ICA1: variants seen among roughly 807,000 people sequenced by gnomAD.
ICA1 encodes islet cell autoantigen 1.
ICA1 carries 40 observed loss-of-function variants against 71.0 expected under a neutral mutation model. The ratio of observed to expected loss-of-function variants is 0.56; its 90% confidence interval spans 0.44 to 0.73. The LOEUF is 0.73. Among genes scored for constraint, ICA1 ranks in the 30% least tolerant of loss-of-function variants. The pLI, the probability that ICA1 is intolerant of heterozygous loss-of-function variation, is 0.00. For missense variants in ICA1, 578 were observed against 576.5 expected, an observed-to-expected ratio of 1.00 and a Z score of -0.03; for synonymous variants, 207 against 209.5, an observed-to-expected ratio of 0.99 and a Z score of 0.10.
intron 12 of ICA1, among the ~76,000 whole-genome samples, chr7:8,133,368 C>G (rs1443135760): frequency 1.3e-5 from 2 of 152,170 alleles, no homozygotes; most frequent in East Asian, 1.9e-4. Flanking sequence ...AACCATAGCA[C>G]TCCAGGCTTG....
At chr7:8,198,597 C>T (rs756953855) in intron 6 of ICA1, among the ~76,000 whole-genome samples, 33 of 152,056 alleles carry the variant, frequency 2.2e-4, no homozygotes, top group Non-Finnish European at 8.8e-5. Context: ...GTGGTCCAGG[C>T]GAGCGTCATA....
At chr7:8,153,945 A>G (rs1800592166) in intron 8 of ICA1, among the ~76,000 whole-genome samples, 5 of 151,260 alleles carry the variant, frequency 3.3e-5, no homozygotes. Context: ...AACCACTTAG[A>G]AGATAGTTTC....
intron 1 of ICA1, among the ~76,000 whole-genome samples, chr7:8,259,385 C>T (rs1325675580): frequency 6.6e-6 from 1 of 152,186 alleles, no homozygotes; most frequent in East Asian, 1.9e-4. Flanking sequence ...TTTCTGGTTG[C>T]ACCCCCCAAC....
intron 2 of ICA1, among the ~76,000 whole-genome samples, chr7:8,235,357 GATATGTTATAGGCACATAA>G (rs1801525281): frequency 6.6e-6 from 1 of 152,162 alleles, no homozygotes; most frequent in South Asian, 2.1e-4. Flanking sequence ...ATGCTGCTCA[GATATGTTATAGGCACATAA>G]ATGTCAGCGC....
chr7:8,218,491 T>G lies in ICA1; in HGVS notation c.393A>C (p.Arg131=). The G allele has an allele frequency of 6.2e-7, 1 of 1,614,050 alleles. No individual in the cohort carries two copies. Residue 131 remains arginine, a synonymous_variant, in exon 6 of 14, where the codon CGA becomes CGC. Transcript: ENST00000402384. ...CTTGGTGAAATCGACACAAAGGATTTCGTAAGGCCAACCTAGACAAGAGGA... is the reference window on the plus strand; with the variant it reads ...CTTGGTGAAATCGACACAAAGGATTGCGTAAGGCCAACCTAGACAAGAGGA... ...CFSSQQRLAL[R]NPLCRFHQEV... is the part of the protein sequence containing the mutation.
At chr7:8,185,443 T>C (rs142652115) in intron 6 of ICA1, among the ~76,000 whole-genome samples, 1 of 152,330 alleles carries the variant, frequency 6.6e-6, no homozygotes, top group East Asian at 1.9e-4. Flanking sequence ...TATGCTTACT[T>C]ACGCTCAGTG....
chr7:8,251,648 G>A (rs908144344), intron 1 of ICA1, among the ~76,000 whole-genome samples: 13 of 151,974 alleles, frequency 8.6e-5, no homozygotes, highest in African/African-American at 3.1e-4. Flanking sequence ...TGCTGGGAAT[G>A]AAACATTCAT....
chr7:8,196,525 A>G (rs1401076075), intron 6 of ICA1, among the ~76,000 whole-genome samples: 1 of 152,136 alleles, frequency 6.6e-6, no homozygotes, highest in Non-Finnish European at 1.5e-5. Context: ...TAATGTGTCA[A>G]CCTTGGCTCA....
intron 2 of ICA1, 44 bp from the exon 3 acceptor site, chr7:8,232,799 G>T (rs1315755484): frequency 5.5e-6 from 8 of 1,444,970 alleles, no homozygotes; most frequent in Non-Finnish European, 6.5e-6. Context: ...CTTTCATAAA[G>T]ATTAAGATAT....
At chr7:8,184,628 T>G (rs759794426) in intron 6 of ICA1, among the ~76,000 whole-genome samples, 4 of 152,204 alleles carry the variant, frequency 2.6e-5, no homozygotes, top group Non-Finnish European at 4.4e-5. Flanking sequence ...GAGAGAATAA[T>G]TCATACTTGA....
At chr7:8,241,987 G>A (rs1804092015) in intron 1 of ICA1, among the ~76,000 whole-genome samples, 1 of 152,136 alleles carries the variant, frequency 6.6e-6, no homozygotes, top group Non-Finnish European at 1.5e-5. Flanking sequence ...ACACCCCACT[G>A]TCAACATTAC....
At position 8,158,620 on chromosome 7, in the gene ICA1, GT is replaced by G. The variant is rs747841314; in HGVS notation, c.611del (p.Asn204ThrfsTer5). On this transcript the variant is annotated frameshift_variant, in exon 7 of 14. Transcript: ENST00000402384. LOFTEE classifies it high-confidence loss of function. Reference protein sequence around the residue: ...VQTQVRLAKKNFDKLKMDVCQ... With the variant: ...VQTQVRLAKKXFDKLKMDVCQ... The stretch of plus-strand genomic sequence containing the variant: ...AAACATCCATCTTCAATTTGTCAAA[GT>G]TTTTTTTTGCAAGGCGCACTTGTGT... The G allele has an allele frequency of 4.4e-6, 7 of 1,604,970 alleles. No homozygotes were observed. Among genetic ancestry groups the G allele is most frequent in the Admixed American group, 3.4e-5 (2 of 59,536 alleles).
chr7:8,237,008 A>T lies in ICA1; in HGVS notation c.-79-1003T>A, dbSNP rs1405096997. The T allele has an allele frequency of 2.6e-5, 4 of 152,230 alleles. No individual in the cohort carries two copies. The East Asian group carries it at 7.7e-4, about 29-fold the overall frequency. The allele number at this position is 152,230 out of a possible 1,614,324, so 9.4% of individuals were successfully genotyped here. On this transcript the variant is annotated intron_variant, in intron 1 of 13. Transcript: ENST00000402384. Reference sequence around the variant, plus strand: ...CTCCTAAAGTGATTAAAGCTTTCCTAGGCTATTTAAAAACATTTCAAGGGG... The same window carrying T: ...CTCCTAAAGTGATTAAAGCTTTCCTTGGCTATTTAAAAACATTTCAAGGGG...
rs529904080 is a variant in ICA1 at position 8,222,394 on chromosome 7, T to C, written c.257-996A>G. ...TTTACTATCAACATACTTTGAACAC[T>C]ACTTTTATTTCCTATTTCTGTATTG... On this transcript the variant is annotated intron_variant, in intron 4 of 13. Transcript: ENST00000402384. The surrounding 1 kb of genome is among the most constrained non-coding windows in gnomAD (Gnocchi z 4.8). Among the ~76,000 whole-genome samples the C allele has an allele frequency of 3.3e-5, 5 of 152,320 alleles. No homozygotes were observed. Among genetic ancestry groups the C allele is most frequent in the African/African-American group, 1.2e-4 (5 of 41,574 alleles).
chr7:8,116,340 A>G (rs1230700877), intron 13 of ICA1: 1 of 152,206 alleles, frequency 6.6e-6, no homozygotes, highest in African/African-American at 2.4e-5. Context: ...ATTCAAAACC[A>G]GAGCATATCA....
chr7:8,172,004 C>A (rs79289859), intron 6 of ICA1, among the ~76,000 whole-genome samples: 6 of 151,862 alleles, frequency 4.0e-5, no homozygotes, highest in Non-Finnish European at 7.4e-5. Flanking sequence ...TTTATTCAGA[C>A]CTGTTTTATA....
intron 4 of ICA1, among the ~76,000 whole-genome samples, chr7:8,225,624 G>A (rs994468473): frequency 6.6e-6 from 1 of 152,194 alleles, no homozygotes; most frequent in Non-Finnish European, 1.5e-5. Flanking sequence ...TCAGCTCACA[G>A]AAGCAGGAAA....
In ICA1 at chr7:8,259,699, C is replaced by T. The variant is rs545833123; in HGVS notation, c.-80+2395G>A. Among the ~76,000 whole-genome samples, 6 of 152,232 alleles carry T rather than the reference C, an allele frequency of 3.9e-5. No individual in the cohort carries two copies. In the South Asian group the frequency reaches 1.0e-3, roughly 26 times the overall value. On this transcript the variant is annotated intron_variant, in intron 1 of 13. Coordinates refer to ENST00000402384, the MANE Select transcript of ICA1 (RefSeq NM_001136020.3). ...CTTAAGTAACTTGGTCAAGGTCACA[C>T]GGCTAGTTAGGTGTTACCGCAGGGA...
rs144337286 is a variant in ICA1, at chr7:8,224,458, G to A, written c.257-3060C>T. Among the ~76,000 whole-genome samples, 159 of 152,252 alleles carry A rather than the reference G, an allele frequency of 1.0e-3. 1 individual carries two copies. Among genetic ancestry groups the A allele is most frequent in the African/African-American group, 3.7e-3 (155 of 41,558 alleles). On this transcript the variant is annotated intron_variant, in intron 4 of 13. Transcript: ENST00000402384. ...GGGAGCAATGTGATCCAATTTACATGTATTAAACCTTTTAGTTTGAAATAA... is the reference window on the plus strand; with the variant it reads ...GGGAGCAATGTGATCCAATTTACATATATTAAACCTTTTAGTTTGAAATAA...
Sources: gnomAD v4.1 joint callset for allele counts (sites outside exome capture counted in the v4.1 genomes callset) on GRCh38, gnomAD v4.1.1 for gene constraint, Gnocchi (gnomAD v3.1) non-coding constraint, MANE v1.5 for transcripts, NCBI Gene and HGNC (gene_info 2026-07-23, HGNC 2026-07-21) for gene names.